Variants in KCTD16 observed in about 807,000 individuals in gnomAD.
The protein encoded by KCTD16 is BTB/POZ domain-containing protein KCTD16.
In KCTD16, 13 loss-of-function variants were observed where a neutral mutation model predicts 33.2. The observed-to-expected ratio is 0.39, with a 90% CI of 0.25 to 0.62. KCTD16 has a LOEUF of 0.62. KCTD16 is among the 20% of genes least tolerant of loss of function. The pLI is 0.50. For missense variants in KCTD16, 441 were observed against 525.1 expected (o/e 0.84, Z 1.57); for synonymous variants, 197 against 195.3 (o/e 1.01, Z -0.07).
chr5:144,469,859 T>G (rs1754430618), intron 3 of KCTD16, among the ~76,000 whole-genome samples: 1 of 151,598 alleles, frequency 6.6e-6, no homozygotes, highest in African/African-American at 2.4e-5. Flanking sequence ...TCATATAATA[T>G]TCAACAAATT....
chr5:144,417,535 C>G (rs576689546), intron 3 of KCTD16, among the ~76,000 whole-genome samples: 7 of 152,024 alleles, frequency 4.6e-5, no homozygotes, highest in Non-Finnish European at 1.0e-4. Flanking sequence ...AGATGATTTG[C>G]AGTATTTTCT....
chr5:144,476,003 G>A lies in KCTD16; in HGVS notation c.*1889G>A, dbSNP rs549249882. 15 of 152,178 alleles carry A rather than the reference G, an allele frequency of 9.9e-5. No homozygotes were observed. Among genetic ancestry groups the A allele is most frequent in the African/African-American group, 3.6e-4 (15 of 41,446 alleles). 9.4% of individuals were successfully genotyped at this position (152,178 alleles called of 1,614,324 possible). On this transcript the variant is annotated 3_prime_UTR_variant, in exon 4 of 4. Transcript: ENST00000512467. ...AGAGAATTATAATTTATGAATTTAAGTGGTATTCTTTTCTGTATTAATATA... is the reference window on the plus strand; with the variant it reads ...AGAGAATTATAATTTATGAATTTAAATGGTATTCTTTTCTGTATTAATATA...
At chr5:144,250,768 A>T (rs980420467) in intron 3 of KCTD16, among the ~76,000 whole-genome samples, 1 of 152,142 alleles carries the variant, frequency 6.6e-6, no homozygotes, top group Non-Finnish European at 1.5e-5. Flanking sequence ...ATTTCATAAC[A>T]TTGGGCTAAC....
intron 3 of KCTD16, among the ~76,000 whole-genome samples, chr5:144,246,922 G>T (rs1299493752): frequency 6.6e-6 from 1 of 152,128 alleles, no homozygotes; most frequent in African/African-American, 2.4e-5. Flanking sequence ...CATTGGTTTG[G>T]CTCTCAGCAA....
intron 3 of KCTD16, among the ~76,000 whole-genome samples, chr5:144,288,890 C>A (rs139363182): frequency 6.6e-6 from 1 of 152,142 alleles, no homozygotes; most frequent in Non-Finnish European, 1.5e-5. Flanking sequence ...ATGGCACATG[C>A]CTGTAATCCC....
chr5:144,344,065 A>G (rs1262961948), intron 3 of KCTD16, among the ~76,000 whole-genome samples: 2 of 152,146 alleles, frequency 1.3e-5, no homozygotes, highest in African/African-American at 2.4e-5. Context: ...CCTATCTACA[A>G]CTATCTGATC....
At position 144,480,956 on chromosome 5, in the gene KCTD16, T is replaced by C. The variant is rs1186479886; in HGVS notation, c.*6842T>C. On this transcript the variant is annotated 3_prime_UTR_variant, in exon 4 of 4. Coordinates refer to ENST00000512467, the MANE Select transcript of KCTD16 (RefSeq NM_020768.4). ...CCAGTTTAAATGTGTATAGAAATTA[T>C]ATGTATGGAAATTATTTGAAGTTAG... 1 of 151,970 alleles carries C rather than the reference T, an allele frequency of 6.6e-6. No homozygotes were observed. Among genetic ancestry groups the C allele is most frequent in the Non-Finnish European group, 1.5e-5 (1 of 67,922 alleles). The allele number at this position is 151,970 out of a possible 1,614,324, so 9.4% of individuals were successfully genotyped here.
intron 3 of KCTD16, among the ~76,000 whole-genome samples, chr5:144,321,178 A>C (rs1047056793): frequency 1.3e-5 from 2 of 152,064 alleles, no homozygotes; most frequent in Non-Finnish European, 1.5e-5. Context: ...CTTGATGAAA[A>C]CTTTGCTACT....
At chr5:144,465,487 T>G (rs375431223) in intron 3 of KCTD16, among the ~76,000 whole-genome samples, 2 of 152,078 alleles carry the variant, frequency 1.3e-5, no homozygotes, top group African/African-American at 4.8e-5. Flanking sequence ...GTTTCCTCAT[T>G]GTAAAAATGA....
intron 3 of KCTD16, among the ~76,000 whole-genome samples, chr5:144,338,898 G>T (rs987785129): frequency 6.6e-6 from 1 of 152,086 alleles, no homozygotes; most frequent in Non-Finnish European, 1.5e-5. Flanking sequence ...CAGAGAAAAG[G>T]GGCATTTGGA....
chr5:144,402,676 T>C (rs1284220758), intron 3 of KCTD16, among the ~76,000 whole-genome samples: 1 of 152,200 alleles, frequency 6.6e-6, no homozygotes, highest in African/African-American at 2.4e-5. Context: ...ACCTAATTGC[T>C]ACAGATTTCT....
At chr5:144,205,405 G>A (rs1337731325) in intron 2 of KCTD16, 1 of 397,734 alleles carries the variant, frequency 2.5e-6, no homozygotes, top group Non-Finnish European at 4.4e-6. Context: ...GAACTGCACT[G>A]GGAACTGTGG....
At chr5:144,310,890 A>G (rs1751746463) in intron 3 of KCTD16, among the ~76,000 whole-genome samples, 1 of 152,130 alleles carries the variant, frequency 6.6e-6, no homozygotes, top group Non-Finnish European at 1.5e-5. Context: ...GCTCATTCCC[A>G]TCAGGCAGCT....
intron 3 of KCTD16, among the ~76,000 whole-genome samples, chr5:144,226,868 T>C (rs1753948345): frequency 6.6e-6 from 1 of 152,234 alleles, no homozygotes; most frequent in Non-Finnish European, 1.5e-5. Flanking sequence ...ACACTGCGCC[T>C]GGCCAAATCT....
At chr5:144,272,330 C>T (rs984376212) in intron 3 of KCTD16, among the ~76,000 whole-genome samples, 29 of 151,766 alleles carry the variant, frequency 1.9e-4, no homozygotes, top group Admixed American at 1.2e-3. Flanking sequence ...CTCAGGAGGC[C>T]GAAGCAGGGG....
chr5:144,480,649 G>A lies in KCTD16; in HGVS notation c.*6535G>A, dbSNP rs974460779. The A allele has an allele frequency of 1.3e-5, 2 of 151,820 alleles. No individual in the cohort carries two copies. Among genetic ancestry groups the A allele is most frequent in the African/African-American group, 4.8e-5 (2 of 41,364 alleles). 9.4% of individuals were successfully genotyped at this position (151,820 alleles called of 1,614,324 possible). A position where few individuals can be genotyped will look rare whatever the true frequency, so the allele number is the denominator to read the frequency against. On this transcript the variant is annotated 3_prime_UTR_variant, in exon 4 of 4. Transcript: ENST00000512467. Reference sequence around the variant, plus strand: ...ACCAGGAGTGGTTTTGCATACCAGAGATCTTTTGGCAATGCCTGGAGATAT... The same window carrying A: ...ACCAGGAGTGGTTTTGCATACCAGAAATCTTTTGGCAATGCCTGGAGATAT...
At chr5:144,271,232 T>C (rs1755284425) in intron 3 of KCTD16, among the ~76,000 whole-genome samples, 1 of 152,062 alleles carries the variant, frequency 6.6e-6, no homozygotes, top group Non-Finnish European at 1.5e-5. Flanking sequence ...TAGACTAATA[T>C]CCTTTATGAA....
intron 3 of KCTD16, among the ~76,000 whole-genome samples, chr5:144,350,253 T>A (rs1751383112): frequency 6.6e-6 from 1 of 152,082 alleles, no homozygotes; most frequent in African/African-American, 2.4e-5. Flanking sequence ...TGTTTTTAGG[T>A]TTCAAGCCAC....
chr5:144,174,410 GGC>G lies in KCTD16; in HGVS notation c.-388_-387del, dbSNP rs1752459207. Reference sequence around the variant, plus strand: ...CAAGCATCACATGAAGTGGAGATCTGGCAGCTCTGTGTATTTCAGTCAAGTTC... The same window carrying G: ...CAAGCATCACATGAAGTGGAGATCTGAGCTCTGTGTATTTCAGTCAAGTTC... On this transcript the variant is annotated 5_prime_UTR_variant, in exon 2 of 4. It removes the in-frame stop codon of an upstream open reading frame in the 5' UTR. Transcript: ENST00000512467. The G allele has an allele frequency of 6.6e-6, 1 of 151,730 alleles. No individual in the cohort carries two copies. Among genetic ancestry groups the G allele is most frequent in the Non-Finnish European group, 1.5e-5 (1 of 67,900 alleles). The allele number at this position is 151,730 out of a possible 1,614,324, so 9.4% of individuals were successfully genotyped here. A position where few individuals can be genotyped will look rare whatever the true frequency, so the allele number is the denominator to read the frequency against.
Sources: allele counts gnomAD v4.1 joint callset (sites outside exome capture counted in the v4.1 genomes callset), GRCh38; gene constraint gnomAD v4.1.1; transcripts MANE v1.5; gene names NCBI Gene and HGNC (gene_info 2026-07-23, HGNC 2026-07-21).